EEFSEC: variants seen among roughly 807,000 people sequenced by gnomAD.
The protein encoded by EEFSEC is selenocysteine-specific elongation factor.
In EEFSEC, 43 loss-of-function variants were observed where a neutral mutation model predicts 42.1. The observed-to-expected ratio is 1.02, with a 90% CI of 0.80 to 1.32. EEFSEC has a LOEUF of 1.32. Among genes scored for constraint, EEFSEC ranks in the 40% most tolerant of loss-of-function variants. EEFSEC has a pLI of 0.00. For missense variants in EEFSEC, 745 were observed against 803.6 expected (o/e 0.93, Z 0.88); for synonymous variants, 354 against 339.1 (o/e 1.04, Z -0.48).
intron 4 of EEFSEC, among the ~76,000 whole-genome samples, chr3:128,323,848 G>A (rs543098077): frequency 6.6e-6 from 1 of 152,338 alleles, no homozygotes; most frequent in African/African-American, 2.4e-5. Flanking sequence ...GCCTGTGTTG[G>A]AGCAGCCTGG....
chr3:128,232,327 C>T (rs1259343248), intron 1 of EEFSEC, among the ~76,000 whole-genome samples: 1 of 151,198 alleles, frequency 6.6e-6, no homozygotes, highest in South Asian at 2.1e-4. Context: ...AGAAGGAAAA[C>T]GAGGGGAAAA....
chr3:128,271,526 G>A (rs1181565996), intron 4 of EEFSEC, among the ~76,000 whole-genome samples: 4 of 152,166 alleles, frequency 2.6e-5, no homozygotes, highest in African/African-American at 9.7e-5. Flanking sequence ...CATGTGTGGT[G>A]CACCAGATGC....
At chr3:128,268,927 G>A (rs1256098596) in intron 4 of EEFSEC, among the ~76,000 whole-genome samples, 1 of 152,194 alleles carries the variant, frequency 6.6e-6, no homozygotes, top group Non-Finnish European at 1.5e-5. Context: ...AGAAACTTAT[G>A]AATTTTGCAT....
chr3:128,373,879 CCA>C (rs2067681229), intron 6 of EEFSEC, among the ~76,000 whole-genome samples: 2 of 152,198 alleles, frequency 1.3e-5, no homozygotes, highest in African/African-American at 4.8e-5. Flanking sequence ...AAAAAGTCAC[CCA>C]CAGTCTCCTC....
intron 2 of EEFSEC, among the ~76,000 whole-genome samples, 173 bp from the exon 3 acceptor site, chr3:128,261,955 A>G (rs1429058890): frequency 6.6e-6 from 1 of 152,158 alleles, no homozygotes; most frequent in African/African-American, 2.4e-5. Flanking sequence ...TGGGGCCTCC[A>G]TTGCATCATG....
chr3:128,251,103 G>T (rs925538767), intron 2 of EEFSEC, among the ~76,000 whole-genome samples: 1 of 151,910 alleles, frequency 6.6e-6, no homozygotes, highest in Non-Finnish European at 1.5e-5. Context: ...CTGCAACTTT[G>T]CTGAGTCCTC....
intron 4 of EEFSEC, among the ~76,000 whole-genome samples, chr3:128,282,091 A>C (rs1375618888): frequency 6.6e-6 from 1 of 152,158 alleles, no homozygotes; most frequent in Non-Finnish European, 1.5e-5. Context: ...TTACCTGCCC[A>C]CCAGGGCCCA....
intron 1 of EEFSEC, among the ~76,000 whole-genome samples, chr3:128,243,945 G>A (rs2066100259): frequency 1.3e-5 from 2 of 152,340 alleles, no homozygotes; most frequent in African/African-American, 4.8e-5. Flanking sequence ...TTCCTCATCT[G>A]TAAATTAGGG....
intron 1 of EEFSEC, among the ~76,000 whole-genome samples, chr3:128,244,348 G>T (rs2955086): frequency 8.7e-4 from 132 of 151,874 alleles, no homozygotes; most frequent in Non-Finnish European, 1.6e-3. Flanking sequence ...TGGGGCCATG[G>T]AGAGAGGGCG....
At chr3:128,403,922 C>T (rs2068079279) in intron 6 of EEFSEC, among the ~76,000 whole-genome samples, 1 of 152,212 alleles carries the variant, frequency 6.6e-6, no homozygotes, top group Non-Finnish European at 1.5e-5. Context: ...CTGTCTGTGC[C>T]TTCTTAGATG....
Position 128,363,200 on chromosome 3 carries a change from C to T in EEFSEC, c.1600+4827C>T, listed in dbSNP as rs112064386. Among the ~76,000 whole-genome samples, 831 of 152,294 alleles carry T rather than the reference C, an allele frequency of 5.5e-3. 10 individuals are homozygous for T. Among genetic ancestry groups the T allele is most frequent in the African/African-American group, 0.019 (793 of 41,560 alleles). ...GGTGTTCCCATTGCAACAAGCACCT[C>T]GTTTCACTGCACAAGCAGACCATTT... is the stretch of plus-strand genomic sequence containing the variant. On this transcript the variant is annotated intron_variant, in intron 6 of 6. Coordinates refer to ENST00000254730, the MANE Select transcript of EEFSEC (RefSeq NM_021937.5).
At chr3:128,413,333 TG>T (rs1331621730), downstream of EEFSEC, among the ~76,000 whole-genome samples, 1 of 152,128 alleles carries the variant, frequency 6.6e-6, no homozygotes, top group Admixed American at 6.5e-5. Flanking sequence ...GCCACTGTGC[TG>T]GGGCACCAGT....
intron 6 of EEFSEC, among the ~76,000 whole-genome samples, chr3:128,384,631 T>C (rs2067816253): frequency 6.6e-6 from 1 of 152,176 alleles, no homozygotes; most frequent in African/African-American, 2.4e-5. Context: ...CTGAGGTGGC[T>C]GTACCCCTGA....
chr3:128,300,419 C>G (rs2066754122), intron 4 of EEFSEC, among the ~76,000 whole-genome samples: 1 of 151,834 alleles, frequency 6.6e-6, no homozygotes, highest in Non-Finnish European at 1.5e-5. Flanking sequence ...ATGGTGAAAC[C>G]CTGTCTCTAC....
At chr3:128,323,988 C>T (rs891193738) in intron 4 of EEFSEC, among the ~76,000 whole-genome samples, 7 of 152,168 alleles carry the variant, frequency 4.6e-5, no homozygotes, top group African/African-American at 1.4e-4. Context: ...GTTGAAGGGG[C>T]GGTGGGCTCC....
chr3:128,173,385 C>G (rs182204418), intron 1 of EEFSEC, among the ~76,000 whole-genome samples: 27 of 152,312 alleles, frequency 1.8e-4, no homozygotes, highest in African/African-American at 6.5e-4. Context: ...AATTTCCAGT[C>G]AGATTCTTGA....
chr3:128,210,805 A>G (rs1308145739), intron 1 of EEFSEC, among the ~76,000 whole-genome samples: 2 of 152,214 alleles, frequency 1.3e-5, no homozygotes, highest in Non-Finnish European at 2.9e-5. Context: ...CTGACCTTTT[A>G]TCTTCTGCAG....
intron 1 of EEFSEC, among the ~76,000 whole-genome samples, chr3:128,187,349 G>A (rs562631625): frequency 1.3e-5 from 2 of 152,314 alleles, no homozygotes; most frequent in East Asian, 3.9e-4. Context: ...CATGTTGATA[G>A]AAATAGTGTG....
chr3:128,186,590 T>C (rs986483401), intron 1 of EEFSEC, among the ~76,000 whole-genome samples: 2 of 152,228 alleles, frequency 1.3e-5, no homozygotes, highest in Non-Finnish European at 1.5e-5. Flanking sequence ...TTGGAGTTGA[T>C]TTTTGTATAT....
Sources: allele counts gnomAD v4.1 joint callset (sites outside exome capture counted in the v4.1 genomes callset), GRCh38; gene constraint gnomAD v4.1.1; transcripts MANE v1.5; gene names NCBI Gene and HGNC (gene_info 2026-07-23, HGNC 2026-07-21).